The following DCLK2 variants were observed in gnomAD, a reference collection of about 807,000 sequenced individuals.
The protein encoded by DCLK2 is serine/threonine-protein kinase DCLK2.
Under a neutral mutation model 78.4 loss-of-function variants are expected in DCLK2, and 31 were observed. The observed-to-expected ratio is 0.40, with a 90% CI of 0.30 to 0.53. The LOEUF is 0.53. Ranked by LOEUF, DCLK2 falls within the 20% of genes least tolerant of loss-of-function variation. The probability of loss-of-function intolerance (pLI) is 0.61; values close to 1 mark genes in which losing one functional copy is unlikely to be tolerated. For synonymous variants in DCLK2, 407 were observed against 374.9 expected (o/e 1.09, Z -0.99); for missense variants, 872 against 973.7 (o/e 0.90, Z 1.39).
intron 3 of DCLK2, among the ~76,000 whole-genome samples, chr4:150,194,697 A>G (rs1344927116): frequency 6.6e-6 from 1 of 152,144 alleles, no homozygotes; most frequent in East Asian, 1.9e-4. Flanking sequence ...GATCTTAGAG[A>G]TACGATCCTC....
intron 2 of DCLK2, among the ~76,000 whole-genome samples, chr4:150,158,494 A>C (rs1260637335): frequency 6.6e-6 from 1 of 152,186 alleles, no homozygotes; most frequent in African/African-American, 2.4e-5. Context: ...CTAATTGATA[A>C]AGGTTACTCT....
chr4:150,160,136 T>G (rs951873137), intron 2 of DCLK2, among the ~76,000 whole-genome samples: 9 of 152,190 alleles, frequency 5.9e-5, no homozygotes, highest in African/African-American at 2.2e-4. Flanking sequence ...CATCTCAGCC[T>G]CTTTAAGTAG....
intron 2 of DCLK2, among the ~76,000 whole-genome samples, chr4:150,139,637 T>C (rs974185012): frequency 6.6e-6 from 1 of 152,218 alleles, no homozygotes; most frequent in Admixed American, 6.5e-5. Flanking sequence ...AAGGGTCCTT[T>C]CTTTTGGGAA....
chr4:150,116,131 C>T (rs767712965), intron 2 of DCLK2, among the ~76,000 whole-genome samples: 17 of 152,178 alleles, frequency 1.1e-4, no homozygotes, highest in Non-Finnish European at 2.5e-4. Context: ...GGAACTGTGA[C>T]TTTATACCTC....
intron 2 of DCLK2, among the ~76,000 whole-genome samples, chr4:150,130,269 AAC>A (rs1240913140): frequency 1.3e-5 from 2 of 151,832 alleles, no homozygotes; most frequent in East Asian, 3.9e-4. Flanking sequence ...GGAAATCTAA[AAC>A]ACATAATGAG....
chr4:150,199,034 G>C (rs755837325), intron 4 of DCLK2: 1 of 1,594,726 alleles, frequency 6.3e-7, no homozygotes, highest in Non-Finnish European at 8.5e-7. Context: ...ACAGTAAAGC[G>C]GGGTGGCCAC....
chr4:150,155,883 T>C (rs1735235536), intron 2 of DCLK2, among the ~76,000 whole-genome samples: 1 of 152,076 alleles, frequency 6.6e-6, no homozygotes, highest in South Asian at 2.1e-4. Flanking sequence ...AAGTAATCTG[T>C]ACAGATGTAA....
At chr4:150,170,808 C>A (rs1736473897) in intron 2 of DCLK2, among the ~76,000 whole-genome samples, 1 of 152,150 alleles carries the variant, frequency 6.6e-6, no homozygotes, top group South Asian at 2.1e-4. Flanking sequence ...ACCTGTACAA[C>A]ATGACTCTGA....
At chr4:150,177,954 G>A (rs530245375) in intron 2 of DCLK2, among the ~76,000 whole-genome samples, 11 of 152,226 alleles carry the variant, frequency 7.2e-5, no homozygotes, top group African/African-American at 2.6e-4. Context: ...ATTTAACTTT[G>A]TAATGTTTTG....
intron 2 of DCLK2, among the ~76,000 whole-genome samples, chr4:150,174,265 G>T (rs1486961332): frequency 6.6e-6 from 1 of 152,184 alleles, no homozygotes; most frequent in African/African-American, 2.4e-5. Flanking sequence ...GTTTGTCCAG[G>T]AAGGAAGTGT....
chr4:150,169,655 T>TCAAA (rs999860169), intron 2 of DCLK2, among the ~76,000 whole-genome samples: 9 of 102,408 alleles, frequency 8.8e-5, no homozygotes, highest in African/African-American at 4.4e-4. Context: ...AAACTCCGTC[T>TCAAA]CAAAAAAAAA....
At chr4:150,246,996 C>T (rs1039101507) in intron 12 of DCLK2, among the ~76,000 whole-genome samples, 1 of 152,112 alleles carries the variant, frequency 6.6e-6, no homozygotes, top group South Asian at 2.1e-4. Context: ...TTATCCAGAT[C>T]CTGAACTCCT....
chr4:150,238,494 A>G (rs989748751), intron 10 of DCLK2, among the ~76,000 whole-genome samples: 1 of 152,218 alleles, frequency 6.6e-6, no homozygotes, highest in Non-Finnish European at 1.5e-5. Context: ...AATTTGCTAT[A>G]TATTGCTGAA....
intron 2 of DCLK2, chr4:150,175,437 T>A (rs1737007527): frequency 6.6e-6 from 1 of 151,874 alleles, no homozygotes; most frequent in South Asian, 2.1e-4. Flanking sequence ...TCTGGGTGTT[T>A]GAGCCAGTCT....
intron 1 of DCLK2, among the ~76,000 whole-genome samples, chr4:150,095,830 A>G (rs1351570497): frequency 6.6e-6 from 1 of 152,198 alleles, no homozygotes; most frequent in Admixed American, 6.5e-5. Flanking sequence ...GAAGAGAGAC[A>G]AGGAGAGAGG....
intron 2 of DCLK2, among the ~76,000 whole-genome samples, chr4:150,172,292 C>T (rs1433787841): frequency 1.3e-5 from 2 of 152,124 alleles, no homozygotes; most frequent in Admixed American, 1.3e-4. Context: ...CTATATTTGG[C>T]AGTGTGGCCT....
chr4:150,173,236 A>G (rs969394981), intron 2 of DCLK2, among the ~76,000 whole-genome samples: 4 of 151,876 alleles, frequency 2.6e-5, no homozygotes, highest in Admixed American at 6.6e-5. Context: ...AGTGCCCTTC[A>G]CTCTCCTGCC....
intron 2 of DCLK2, among the ~76,000 whole-genome samples, chr4:150,120,275 CTT>C (rs1470403712): frequency 6.6e-6 from 1 of 152,118 alleles, no homozygotes; most frequent in African/African-American, 2.4e-5. Context: ...AACTGTGGTT[CTT>C]GTCTTCCATG....
intron 2 of DCLK2, among the ~76,000 whole-genome samples, chr4:150,155,038 T>C (rs568965180): frequency 7.0e-4 from 106 of 152,062 alleles, no homozygotes; most frequent in Non-Finnish European, 1.4e-3. Context: ...CAAGGCTAGC[T>C]TGGGCAACAT....
Sources: gnomAD v4.1 joint callset for allele counts (sites outside exome capture counted in the v4.1 genomes callset) on GRCh38, gnomAD v4.1.1 for gene constraint, MANE v1.5 for transcripts, NCBI Gene and HGNC (gene_info 2026-07-23, HGNC 2026-07-21) for gene names.